The following MS4A6E variants were observed in gnomAD, a reference collection of about 807,000 sequenced individuals.
MS4A6E encodes membrane spanning 4-domains A6E.
MS4A6E carries 8 observed loss-of-function variants against 13.2 expected under a neutral mutation model. The observed-to-expected ratio is 0.60, with a 90% CI of 0.35 to 1.09. The LOEUF is 1.09. Among genes scored for constraint, MS4A6E ranks in the 50% least tolerant of loss-of-function variants. The pLI, the probability that MS4A6E is intolerant of heterozygous loss-of-function variation, is 0.02. For synonymous variants in MS4A6E, 72 were observed against 67.6 expected, an observed-to-expected ratio of 1.06 and a Z score of -0.32; for missense variants, 177 against 171.1, an observed-to-expected ratio of 1.03 and a Z score of -0.19.
At chr11:60,331,045 A>G (rs1420209470) in intron 1 of MS4A6E, among the ~76,000 whole-genome samples, 1 of 152,086 alleles carries the variant, frequency 6.6e-6, no homozygotes, top group Non-Finnish European at 1.5e-5. Context: ...TGAAGTCAGT[A>G]GTAACCATTT....
chr11:60,335,155 G>T, intron 2 of MS4A6E, 113 bp downstream of exon 2: 1 of 1,435,420 alleles, frequency 7.0e-7, no homozygotes, highest in South Asian at 1.4e-5. Context: ...TTTTGCTGGA[G>T]GGACTTTGGG....
chr11:60,337,581 T>A, intron 2 of MS4A6E, among the ~76,000 whole-genome samples, 160 bp from the exon 3 acceptor site: 1 of 152,092 alleles, frequency 6.6e-6, no homozygotes. Flanking sequence ...AGATTCTGAG[T>A]TTTTGGCTGG....
At chr11:60,334,626 A>G (rs1456508582) in intron 1 of MS4A6E, among the ~76,000 whole-genome samples, 2 of 152,142 alleles carry the variant, frequency 1.3e-5, no homozygotes, top group African/African-American at 4.8e-5. Flanking sequence ...TTGCCTCTGG[A>G]TATTGGGACC....
At position 60,337,728 on chromosome 11, in the gene MS4A6E, A is replaced by G; in HGVS notation, c.148-13A>G. The G allele has an allele frequency of 3.1e-6, 5 of 1,614,060 alleles. No individual in the cohort carries two copies. The highest frequency in any genetic ancestry group is 2.2e-5 in the East Asian group (1 of 44,878). On this transcript the variant is annotated splice_polypyrimidine_tract_variant and intron_variant, in intron 2 of 4. Coordinates refer to ENST00000684409, the MANE Select transcript of MS4A6E (RefSeq NM_139249.4). ...CCTTTGGGAATGATTCTTACCCAGC[A>G]TGTCTCTTTCAGGTGCATAGCAGCC...
At chr11:60,344,894 TTTTG>T (rs1320768425), downstream of MS4A6E, among the ~76,000 whole-genome samples, 4 of 132,844 alleles carry the variant, frequency 3.0e-5, no homozygotes, top group African/African-American at 5.6e-5. Flanking sequence ...TCCTGGTGGT[TTTTG>T]TTTGTTTGTT....
chr11:60,335,038 T>G lies in MS4A6E; in HGVS notation c.143T>G (p.Ile48Ser). ...KKRLQAKVKV[I>S]GVHSSLAGSI... ...CGTCTACAGGCAAAAGTCAAAGTTA[T>G]TGGGGTAAATCTAATTCAGAACATG... Residue 48 changes from isoleucine to serine, a missense_variant, in exon 2 of 5, where the codon ATT becomes AGT. Ile to Ser is a moderately radical substitution (Grantham distance 142). Coordinates refer to ENST00000684409, the MANE Select transcript of MS4A6E (RefSeq NM_139249.4). 6.2e-7 allele frequency: 1 copy of G among 1,613,974 alleles called. No homozygotes were observed. The highest frequency in any genetic ancestry group is 1.3e-5 in the African/African-American group (1 of 74,970).
rs534311303 is a variant in MS4A6E, at chr11:60,337,831, C to A, written c.238C>A (p.Pro80Thr). The A allele has an allele frequency of 6.2e-7, 1 of 1,614,186 alleles. No homozygotes were observed. The highest frequency in any genetic ancestry group is 1.7e-5 in the Admixed American group (1 of 60,022). ...LLSVNPAALNPASLQCKLDEK... is the reference protein window; with the variant it reads ...LLSVNPAALNTASLQCKLDEK... The stretch of plus-strand genomic sequence containing the variant: ...GTCTGTCAACCCGGCTGCATTAAAT[C>A]CTGCCTCATTGCAGTGTAAGTTGGA... The change falls in exon 3 of 5, where the codon CCT becomes ACT. Residue 80 changes from proline to threonine, a missense_variant. Coordinates refer to ENST00000684409, the MANE Select transcript of MS4A6E (RefSeq NM_139249.4).
chr11:60,344,934 T>G (rs2085249293), downstream of MS4A6E, among the ~76,000 whole-genome samples: 1 of 152,010 alleles, frequency 6.6e-6, no homozygotes, highest in Non-Finnish European at 1.5e-5. Flanking sequence ...GTTTTTTTGT[T>G]TTTTGTTTTT....
At chr11:60,348,363 G>T (rs1052417165) in intron 4 of MS4A6E, among the ~76,000 whole-genome samples, 7 of 152,294 alleles carry the variant, frequency 4.6e-5, no homozygotes, top group Middle Eastern at 3.4e-3. Flanking sequence ...GGTAGAAAGA[G>T]TACAGCTCAT....
At chr11:60,335,625 T>C (rs2085184153) in intron 2 of MS4A6E, 4 of 454,020 alleles carry the variant, frequency 8.8e-6, no homozygotes, top group Non-Finnish European at 1.8e-5. Flanking sequence ...TTTCTAGAAT[T>C]GCCTCTGCAC....
chr11:60,344,921 TTTG>T (rs1490634118), downstream of MS4A6E, among the ~76,000 whole-genome samples: 587 of 151,750 alleles, frequency 3.9e-3, 2 homozygotes, highest in African/African-American at 0.014. Flanking sequence ...GTTTTTTTTG[TTTG>T]TTTTTTTGTT....
At chr11:60,327,666 A>G (rs951022791) in intron 1 of MS4A6E, among the ~76,000 whole-genome samples, 3 of 152,214 alleles carry the variant, frequency 2.0e-5, no homozygotes, top group Non-Finnish European at 4.4e-5. Flanking sequence ...TGTAATTACA[A>G]TATCAATTAA....
chr11:60,329,530 A>G (rs763804637), intron 1 of MS4A6E, among the ~76,000 whole-genome samples: 5 of 152,164 alleles, frequency 3.3e-5, no homozygotes, highest in Non-Finnish European at 5.9e-5. Context: ...GCTGGGTCAA[A>G]TGGTATTTCA....
rs113225546 is a variant in MS4A6E at position 60,329,186 on chromosome 11, C to G, written c.-15+1778C>G. ...AGGCCTTGGTGTGTGATGTTCCCCT[C>G]CCTGTGCCCATATATTCTCGTTGTT... On this transcript the variant is annotated intron_variant, in intron 1 of 4. Coordinates refer to ENST00000684409, the MANE Select transcript of MS4A6E (RefSeq NM_139249.4). Among the ~76,000 whole-genome samples, 549 of 150,960 alleles carry G rather than the reference C, an allele frequency of 3.6e-3. 3 individuals are homozygous for G. The highest frequency in any genetic ancestry group is 0.013 in the African/African-American group (539 of 40,954).
At chr11:60,346,133 T>C (rs1307781509), downstream of MS4A6E, among the ~76,000 whole-genome samples, 1 of 152,130 alleles carries the variant, frequency 6.6e-6, no homozygotes, top group African/African-American at 2.4e-5. Flanking sequence ...GTGACTTCTG[T>C]CTCTGGGAGC....
chr11:60,337,680 A>T (rs1339189143), intron 2 of MS4A6E, 61 bp from the exon 3 acceptor site: 2 of 1,596,566 alleles, frequency 1.3e-6, no homozygotes, highest in Non-Finnish European at 1.7e-6. Context: ...TAATGGCAAA[A>T]AGGGATAAGA....
Position 60,334,485 on chromosome 11 carries a change from G to A in MS4A6E, c.-14-397G>A, listed in dbSNP as rs187169020. On this transcript the variant is annotated intron_variant, in intron 1 of 4. Coordinates refer to ENST00000684409, the MANE Select transcript of MS4A6E (RefSeq NM_139249.4). Reference sequence around the variant, plus strand: ...TATGATAAACATATCTAAGATGCATGCTAATAGACAAAAAATAAATGATTA... The same window carrying A: ...TATGATAAACATATCTAAGATGCATACTAATAGACAAAAAATAAATGATTA... 3.5e-3 allele frequency among the ~76,000 whole-genome samples: 528 copies of A among 152,254 alleles called. 3 individuals carry two copies. Among genetic ancestry groups the A allele is most frequent in the Non-Finnish European group, 4.7e-3 (318 of 68,020 alleles).
chr11:60,331,937 A>G (rs2085158722), intron 1 of MS4A6E, among the ~76,000 whole-genome samples: 1 of 152,220 alleles, frequency 6.6e-6, no homozygotes. Flanking sequence ...GTTGGCCTTC[A>G]TCACACTTGA....
In MS4A6E at chr11:60,328,246, A is replaced by G. The variant is rs141537074; in HGVS notation, c.-15+838A>G. 3.3e-5 allele frequency among the ~76,000 whole-genome samples: 5 copies of G among 152,316 alleles called. No homozygotes were observed. The East Asian group carries it at 9.6e-4, about 29-fold the overall frequency. On this transcript the variant is annotated intron_variant, in intron 1 of 4. Transcript: ENST00000684409. Reference sequence around the variant, plus strand: ...CGGGAAGAGAGAAATGAATTAAAAGATAAAATGTATAATCAAAAAGTAAGT... The same window carrying G: ...CGGGAAGAGAGAAATGAATTAAAAGGTAAAATGTATAATCAAAAAGTAAGT...
Sources: allele counts gnomAD v4.1 joint callset (sites outside exome capture counted in the v4.1 genomes callset), GRCh38; gene constraint gnomAD v4.1.1; transcripts MANE v1.5; gene names NCBI Gene and HGNC (gene_info 2026-07-23, HGNC 2026-07-21).